Variants in IQCM observed in about 807,000 individuals in gnomAD.
The protein encoded by IQCM is IQ motif containing M.
In IQCM, 45 loss-of-function variants were observed where a neutral mutation model predicts 57.6. That is an observed-to-expected ratio of 0.78 (90% CI 0.62 to 1.00). The LOEUF is 1.00. Among genes scored for constraint, IQCM ranks in the 50% least tolerant of loss-of-function variants. IQCM has a pLI of 0.00. For missense variants in IQCM, 468 were observed against 511.6 expected, an observed-to-expected ratio of 0.91 and a Z score of 0.82; for synonymous variants, 148 against 158.9, an observed-to-expected ratio of 0.93 and a Z score of 0.51.
intron 7 of IQCM, among the ~76,000 whole-genome samples, chr4:149,640,716 A>AT (rs1209557502): frequency 1.3e-5 from 2 of 151,948 alleles, no homozygotes; most frequent in Non-Finnish European, 2.9e-5. Context: ...TGTTTGTGTG[A>AT]TTTTTTTTCT....
At chr4:149,799,957 C>G (rs916053475) in intron 2 of IQCM, among the ~76,000 whole-genome samples, 1 of 151,846 alleles carries the variant, frequency 6.6e-6, no homozygotes, top group African/African-American at 2.4e-5. Context: ...TCAAACTATT[C>G]TAAAAAATAG....
chr4:149,682,164 A>G lies in IQCM; in HGVS notation c.519T>C (p.Leu173=). 22 of 1,226,414 alleles carry G rather than the reference A, an allele frequency of 1.8e-5. No homozygotes were observed. Among genetic ancestry groups the G allele is most frequent in the Non-Finnish European group, 2.2e-5 (22 of 983,254 alleles). The allele number at this position is 1,226,414 out of a possible 1,614,324, so 76.0% of individuals were successfully genotyped here. A position where few individuals can be genotyped will look rare whatever the true frequency, so the allele number is the denominator to read the frequency against. Residue 173 remains leucine (L), a synonymous_variant, in exon 7 of 14, where the codon CTT becomes CTC. Transcript: ENST00000636793. ...AGTTAGAGGTCCCAGGTTGTAAGTA[A>G]AGATGGACAGGAAAGGGATAGAGTA... ...LELLYPFPVH[L]YLQPGTSNLE...
At chr4:149,604,196 T>C (rs751466015) in intron 8 of IQCM, among the ~76,000 whole-genome samples, 1 of 152,142 alleles carries the variant, frequency 6.6e-6, no homozygotes, top group Non-Finnish European at 1.5e-5. Flanking sequence ...TTAGCAAGTG[T>C]AATTACTGGT....
At chr4:149,704,151 T>C (rs974041368) in intron 5 of IQCM, among the ~76,000 whole-genome samples, 1 of 151,986 alleles carries the variant, frequency 6.6e-6, no homozygotes, top group African/African-American at 2.4e-5. Context: ...TATTATAAAC[T>C]ATATTCCTAT....
At chr4:149,545,210 C>A (rs1748269185) in intron 12 of IQCM, among the ~76,000 whole-genome samples, 1 of 151,968 alleles carries the variant, frequency 6.6e-6, no homozygotes, top group African/African-American at 2.4e-5. Context: ...ACGAGCGGGA[C>A]TACCTCAAAC....
At chr4:149,674,005 C>A (rs916176815) in intron 7 of IQCM, among the ~76,000 whole-genome samples, 4 of 152,058 alleles carry the variant, frequency 2.6e-5, no homozygotes, top group African/African-American at 9.7e-5. Flanking sequence ...TTTACACTTT[C>A]TTGCCAGTTT....
intron 12 of IQCM, among the ~76,000 whole-genome samples, chr4:149,513,476 A>G (rs2149813902): frequency 6.6e-6 from 1 of 152,314 alleles, no homozygotes; most frequent in East Asian, 1.9e-4. Context: ...TAAATAATGC[A>G]AGCTTTCCAA....
rs112498071 is a variant in IQCM at position 149,736,234 on chromosome 4, G to A, written c.38-776C>T. 9.2e-5 allele frequency among the ~76,000 whole-genome samples: 14 copies of A among 152,000 alleles called. No homozygotes were observed. The South Asian group carries it at 1.0e-3, about 11-fold the overall frequency. On this transcript the variant is annotated intron_variant, in intron 3 of 13. Transcript: ENST00000636793. ...AAGTGCTGGGATTACAGGTGTGACC[G>A]AAAGCACCCAGCCTAAGTTTCTTAA...
At chr4:149,651,236 G>A (rs1407115657) in intron 7 of IQCM, among the ~76,000 whole-genome samples, 18 of 152,148 alleles carry the variant, frequency 1.2e-4, no homozygotes, top group Admixed American at 1.1e-3. Context: ...GGGAGATAAA[G>A]TGCTTATTCT....
intron 5 of IQCM, among the ~76,000 whole-genome samples, chr4:149,722,699 G>A (rs1277280985): frequency 6.6e-6 from 1 of 151,866 alleles, no homozygotes; most frequent in East Asian, 1.9e-4. Flanking sequence ...TAGCTTTATG[G>A]TATTATTTCA....
chr4:149,582,309 T>C (rs1327520532), intron 9 of IQCM, among the ~76,000 whole-genome samples: 1 of 262 alleles, frequency 3.8e-3, no homozygotes, highest in African/African-American at 0.019. Context: ...GCTGTAGACA[T>C]ATATATATAT....
intron 7 of IQCM, among the ~76,000 whole-genome samples, chr4:149,652,593 G>A (rs529490414): frequency 2.6e-5 from 4 of 151,850 alleles, no homozygotes; most frequent in African/African-American, 9.7e-5. Flanking sequence ...TGAGACAATA[G>A]AAAGTACGAC....
chr4:149,647,617 C>T lies in IQCM; in HGVS notation c.566-26373G>A, dbSNP rs148281439. Among the ~76,000 whole-genome samples, 65 of 151,916 alleles carry T rather than the reference C, an allele frequency of 4.3e-4. 1 individual carries two copies. The highest frequency in any genetic ancestry group is 1.5e-3 in the African/African-American group (61 of 41,486). ...TATTTTTCTTATCCTTTTTCTTTTACTTCTTTTGCTTTTCTTTTTTTCTTC... is the reference window on the plus strand; with the variant it reads ...TATTTTTCTTATCCTTTTTCTTTTATTTCTTTTGCTTTTCTTTTTTTCTTC... On this transcript the variant is annotated intron_variant, in intron 7 of 13. Transcript: ENST00000636793.
intron 12 of IQCM, among the ~76,000 whole-genome samples, chr4:149,536,077 T>C (rs1054670542): frequency 1.3e-5 from 2 of 152,058 alleles, no homozygotes; most frequent in African/African-American, 4.8e-5. Context: ...TCAGGGTTGC[T>C]CTTTGCCCTT....
intron 2 of IQCM, among the ~76,000 whole-genome samples, chr4:149,813,679 A>G (rs1057433058): frequency 1.6e-4 from 25 of 152,094 alleles, no homozygotes; most frequent in Non-Finnish European, 2.6e-4. Flanking sequence ...TAGTTACTTA[A>G]GTTACTAGAA....
intron 12 of IQCM, among the ~76,000 whole-genome samples, chr4:149,460,262 G>C (rs758556732): frequency 1.4e-4 from 21 of 151,868 alleles, no homozygotes; most frequent in Non-Finnish European, 2.2e-4. Flanking sequence ...TTTTTGCCTT[G>C]GGTTGTTTTT....
rs1316223356 is a variant in IQCM, at chr4:149,733,300, T to C, written c.329A>G (p.Glu110Gly). ...TTCTCTTCTACTAAAAATGTGTGGTTCCTTGAAGGAGATTCGTTGTGGGGG... is the reference window on the plus strand; with the variant it reads ...TTCTCTTCTACTAAAAATGTGTGGTCCCTTGAAGGAGATTCGTTGTGGGGG... ...QEPPQRISFK[E>G]PHIFSRRERC... The change falls in exon 5 of 14, where the codon GAA (glutamate) becomes GGA (glycine). Residue 110 changes from glutamate (E) to glycine (G), a missense_variant. Glu to Gly is a moderately conservative substitution (Grantham distance 98, BLOSUM62 -2). Coordinates refer to ENST00000636793, the MANE Select transcript of IQCM (RefSeq NM_001363507.2). The C allele has an allele frequency of 4.9e-6, 6 of 1,231,558 alleles. No individual in the cohort carries two copies. Among genetic ancestry groups the C allele is most frequent in the East Asian group, 3.2e-5 (1 of 31,698 alleles). The allele number at this position is 1,231,558 out of a possible 1,614,324, so 76.3% of individuals were successfully genotyped here.
At chr4:149,680,514 T>C (rs1302815133) in intron 7 of IQCM, among the ~76,000 whole-genome samples, 1 of 151,372 alleles carries the variant, frequency 6.6e-6, no homozygotes, top group Non-Finnish European at 1.5e-5. Flanking sequence ...GGTGCACAGA[T>C]AATACTGAAG....
chr4:149,454,293 T>C lies in IQCM; in HGVS notation c.1229-20736A>G, dbSNP rs112082763. On this transcript the variant is annotated intron_variant, in intron 12 of 13. Transcript: ENST00000636793. ...CATGAAATACTACACAGCCATAAAA[T>C]AGAGTGAGATCATGTCCTTTGCAGC... Among the ~76,000 whole-genome samples the C allele has an allele frequency of 2.0e-3, 302 of 151,452 alleles. 1 individual carries two copies. The highest frequency in any genetic ancestry group is 3.1e-3 in the Non-Finnish European group (208 of 67,804).
Sources: gnomAD v4.1 joint callset for allele counts (sites outside exome capture counted in the v4.1 genomes callset) on GRCh38, gnomAD v4.1.1 for gene constraint, MANE v1.5 for transcripts, NCBI Gene and HGNC (gene_info 2026-07-23, HGNC 2026-07-21) for gene names.